Variants in GALNT13 observed in about 807,000 individuals in gnomAD.
The protein encoded by GALNT13 is UDP-GalNAc:polypeptide N-acetylgalactosaminyltransferase 13.
GALNT13 carries 28 observed loss-of-function variants against 64.2 expected under a neutral mutation model. The ratio of observed to expected loss-of-function variants is 0.44; its 90% CI spans 0.32 to 0.60. GALNT13 has a LOEUF of 0.60. Ranked by LOEUF, GALNT13 falls within the 20% of genes least tolerant of loss-of-function variation. The pLI, the probability that GALNT13 is intolerant of heterozygous loss-of-function variation, is 0.05. For missense variants in GALNT13, 577 were observed against 669.8 expected (o/e 0.86, Z 1.53); for synonymous variants, 214 against 224.6 (o/e 0.95, Z 0.42).
the GALNT13 span, among the ~76,000 whole-genome samples, chr2:153,631,600 A>T: frequency 2.6e-5 from 4 of 152,302 alleles, no homozygotes; most frequent in African/African-American, 9.6e-5. Context: ...TTGGCTGCAT[A>T]AATGTCTTCT....
At chr2:154,256,575 G>T (rs567284296) in intron 7 of GALNT13, among the ~76,000 whole-genome samples, 188 of 152,160 alleles carry the variant, frequency 1.2e-3, no homozygotes, top group Non-Finnish European at 2.0e-3. Context: ...AGGGTATATA[G>T]AGAGAGAGGA....
the GALNT13 span, among the ~76,000 whole-genome samples, chr2:153,226,507 C>A: frequency 6.6e-6 from 1 of 152,112 alleles, no homozygotes; most frequent in African/African-American, 2.4e-5. Flanking sequence ...TGACAGTATG[C>A]CTTCTTGATA....
At chr2:153,108,735 C>T in the GALNT13 span, among the ~76,000 whole-genome samples, 1 of 152,130 alleles carries the variant, frequency 6.6e-6, no homozygotes, top group South Asian at 2.1e-4. Flanking sequence ...AAAAGACTTC[C>T]AATCCTAAAA....
At chr2:153,842,730 ACACACACACACATG>A in the GALNT13 span, among the ~76,000 whole-genome samples, 2 of 151,700 alleles carry the variant, frequency 1.3e-5, no homozygotes, top group South Asian at 4.2e-4. Flanking sequence ...GATAACACAC[ACACACACACACATG>A]CACACACACA....
chr2:153,863,873 A>G, the GALNT13 span, among the ~76,000 whole-genome samples: 1 of 152,262 alleles, frequency 6.6e-6, no homozygotes, highest in Admixed American at 6.5e-5. Context: ...GTAAGTGAAA[A>G]AATCTTGAGA....
chr2:153,721,903 CAG>C, the GALNT13 span, among the ~76,000 whole-genome samples: 1 of 150,786 alleles, frequency 6.6e-6, no homozygotes, highest in East Asian at 1.9e-4. Context: ...ATCAACGAGA[CAG>C]AAAGTCAACA....
At chr2:153,612,084 A>G in the GALNT13 span, among the ~76,000 whole-genome samples, 3 of 151,954 alleles carry the variant, frequency 2.0e-5, no homozygotes, top group East Asian at 5.8e-4. Context: ...TATGTGCCAC[A>G]TTTTCTTTTT....
At chr2:153,170,960 G>T in the GALNT13 span, among the ~76,000 whole-genome samples, 2 of 150,408 alleles carry the variant, frequency 1.3e-5, no homozygotes, top group African/African-American at 4.8e-5. Flanking sequence ...ACTTTATCAA[G>T]AGATGAAATT....
chr2:153,949,626 T>G (rs548194721), intron 3 of GALNT13, among the ~76,000 whole-genome samples: 21 of 151,984 alleles, frequency 1.4e-4, no homozygotes, highest in Non-Finnish European at 2.1e-4. Flanking sequence ...AATAGAATGA[T>G]AAAGATTCCA....
chr2:154,272,156 A>G (rs1559060579), intron 8 of GALNT13, among the ~76,000 whole-genome samples: 1 of 152,018 alleles, frequency 6.6e-6, no homozygotes, highest in Non-Finnish European at 1.5e-5. Context: ...TTGTTGGAAA[A>G]TCAATCTAAT....
the GALNT13 span, among the ~76,000 whole-genome samples, chr2:153,667,858 C>T: frequency 6.6e-6 from 1 of 152,066 alleles, no homozygotes; most frequent in Non-Finnish European, 1.5e-5. Flanking sequence ...TAAGACTCAA[C>T]TGTATGCTGT....
the GALNT13 span, among the ~76,000 whole-genome samples, chr2:153,850,318 G>A: frequency 1.3e-5 from 2 of 152,184 alleles, no homozygotes; most frequent in African/African-American, 4.8e-5. Context: ...TAATCAGCAT[G>A]GTGGTTTCAT....
At chr2:153,105,111 T>C in the GALNT13 span, among the ~76,000 whole-genome samples, 3 of 143,676 alleles carry the variant, frequency 2.1e-5, no homozygotes, top group Non-Finnish European at 4.5e-5. Flanking sequence ...GTTCAATTCC[T>C]TTTCTAAACG....
chr2:153,696,148 A>C, the GALNT13 span, among the ~76,000 whole-genome samples: 8 of 152,218 alleles, frequency 5.3e-5, no homozygotes, highest in African/African-American at 1.9e-4. Context: ...GGAAGCCGAC[A>C]GTGCAACCTT....
At chr2:154,025,684 T>A (rs942421002) in intron 3 of GALNT13, among the ~76,000 whole-genome samples, 1 of 152,196 alleles carries the variant, frequency 6.6e-6, no homozygotes, top group Non-Finnish European at 1.5e-5. Context: ...CAAATCTTTA[T>A]TAATTACTCA....
At chr2:153,720,190 A>G in the GALNT13 span, among the ~76,000 whole-genome samples, 1 of 146,150 alleles carries the variant, frequency 6.8e-6, no homozygotes, top group African/African-American at 2.6e-5. Context: ...GGCACCCCCC[A>G]GCAGGGGCAC....
the GALNT13 span, among the ~76,000 whole-genome samples, chr2:153,093,238 T>TC: frequency 7.0e-6 from 1 of 142,610 alleles, no homozygotes; most frequent in Non-Finnish European, 1.5e-5. Context: ...TTTCTTTTCT[T>TC]TTCTTTTTTT....
the GALNT13 span, among the ~76,000 whole-genome samples, chr2:153,826,926 G>C: frequency 6.6e-6 from 1 of 152,194 alleles, no homozygotes; most frequent in South Asian, 2.1e-4. Flanking sequence ...GTACCAGAGA[G>C]ACAGAATGAA....
chr2:153,297,492 G>A, the GALNT13 span, among the ~76,000 whole-genome samples: 1 of 152,170 alleles, frequency 6.6e-6, no homozygotes, highest in Non-Finnish European at 1.5e-5. Flanking sequence ...ACACAACAGG[G>A]AGGGAAAAGA....
Sources: gnomAD v4.1 joint callset for allele counts (sites outside exome capture counted in the v4.1 genomes callset) on GRCh38, gnomAD v4.1.1 for gene constraint, MANE v1.5 for transcripts, NCBI Gene and HGNC (gene_info 2026-07-23, HGNC 2026-07-21) for gene names.